Variants in MAP3K2 observed in about 807,000 individuals in gnomAD.
The protein encoded by MAP3K2 is MAP/ERK kinase kinase 2.
A neutral mutation model predicts 80.3 loss-of-function variants in MAP3K2; 24 were observed. The observed-to-expected ratio is 0.30, with a 90% CI of 0.22 to 0.42. MAP3K2 has a LOEUF of 0.42. Among genes scored for constraint, MAP3K2 ranks in the 10% least tolerant of loss-of-function variants. The probability of loss-of-function intolerance (pLI) is 1.00; values close to 1 mark genes in which losing one functional copy is unlikely to be tolerated. For missense variants in MAP3K2, 608 were observed against 750.1 expected (o/e 0.81, Z 2.21); for synonymous variants, 244 against 253.7 (o/e 0.96, Z 0.36).
chr2:127,382,125 A>G (rs1426551789), intron 1 of MAP3K2, among the ~76,000 whole-genome samples: 10 of 152,226 alleles, frequency 6.6e-5, no homozygotes, highest in Admixed American at 6.5e-4. Context: ...TGGGTGTACA[A>G]ACCACAAATG....
chr2:127,378,547 T>C (rs981844627), intron 1 of MAP3K2, among the ~76,000 whole-genome samples: 13 of 152,216 alleles, frequency 8.5e-5, no homozygotes, highest in African/African-American at 3.1e-4. Flanking sequence ...AACATTCAGT[T>C]TAAATATTAT....
chr2:127,328,127 TA>T (rs1686179348), intron 7 of MAP3K2, among the ~76,000 whole-genome samples: 1 of 152,026 alleles, frequency 6.6e-6, no homozygotes, highest in Admixed American at 6.6e-5. Context: ...ATATAAAAAT[TA>T]GCCAGGCATG....
chr2:127,324,235 G>A lies in MAP3K2; in HGVS notation c.684C>T (p.Ser228=), dbSNP rs1233944812. 6.5e-7 allele frequency: 1 copy of A among 1,546,692 alleles called. No individual in the cohort carries two copies. Among genetic ancestry groups the A allele is most frequent in the Non-Finnish European group, 8.7e-7 (1 of 1,145,190 alleles). Reference sequence around the variant, plus strand: ...CCCTAGGCATTCGTGATTTTGGATAGCTCTCTCTATAAAGAAAAAACATCA... The same window carrying A: ...CCCTAGGCATTCGTGATTTTGGATAACTCTCTCTATAAAGAAAAAACATCA... ...PSLDSPLDGE[S]YPKSRMPRAQ... Residue 228 remains serine, a synonymous_variant, in exon 10 of 17, where the codon AGC becomes AGT. Transcript: ENST00000682094.
intron 1 of MAP3K2, among the ~76,000 whole-genome samples, chr2:127,380,707 A>G (rs1023702933): frequency 7.9e-5 from 12 of 152,236 alleles, no homozygotes; most frequent in Admixed American, 6.5e-5. Flanking sequence ...CAACCATGTA[A>G]TTAACTACCA....
intron 1 of MAP3K2, among the ~76,000 whole-genome samples, chr2:127,376,415 A>G (rs932703076): frequency 6.6e-6 from 1 of 152,160 alleles, no homozygotes. Flanking sequence ...CCGGCAGCGC[A>G]GGCTTGTCAG....
intron 1 of MAP3K2, among the ~76,000 whole-genome samples, chr2:127,359,620 G>GT (rs143948683): frequency 5.1e-4 from 77 of 152,328 alleles, no homozygotes; most frequent in African/African-American, 1.7e-3. Flanking sequence ...ATGTTGAAAT[G>GT]TAAGCCCCAA....
rs1685696023 is a variant in MAP3K2 at position 127,306,254 on chromosome 2, C to A, written c.*1325G>T. Reference sequence around the variant, plus strand: ...TTATAACTGGGACTGATCTTTACATCAGGGTTTCTCAGCCTCAGCACTTCT... The same window carrying A: ...TTATAACTGGGACTGATCTTTACATAAGGGTTTCTCAGCCTCAGCACTTCT... On this transcript the variant is annotated 3_prime_UTR_variant, in exon 17 of 17. Transcript: ENST00000682094. This position sits in a 1 kb window ranked among gnomAD's most constrained non-coding sequence, Gnocchi z 4.7. 1 of 152,158 alleles carries A rather than the reference C, an allele frequency of 6.6e-6. No individual in the cohort carries two copies. Among genetic ancestry groups the A allele is most frequent in the African/African-American group, 2.4e-5 (1 of 41,452 alleles). The allele number at this position is 152,158 out of a possible 1,614,324, so 9.4% of individuals were successfully genotyped here.
intron 1 of MAP3K2, among the ~76,000 whole-genome samples, chr2:127,384,331 G>A (rs537507652): frequency 8.6e-5 from 13 of 151,308 alleles, no homozygotes; most frequent in East Asian, 5.8e-4. Flanking sequence ...AAAAACAAAC[G>A]AAATACATTT....
At chr2:127,309,417 G>C (rs1038767546) in intron 15 of MAP3K2, among the ~76,000 whole-genome samples, 1 of 152,086 alleles carries the variant, frequency 6.6e-6, no homozygotes, top group African/African-American at 2.4e-5. Context: ...ACAGTATAGA[G>C]AGTTCCCATA....
rs186925746 is a variant in MAP3K2 at position 127,321,676 on chromosome 2, T to C, written c.1045+370A>G. Among the ~76,000 whole-genome samples the C allele has an allele frequency of 6.6e-6, 1 of 152,348 alleles. No homozygotes were observed. The highest frequency in any genetic ancestry group is 6.5e-5 in the Admixed American group (1 of 15,306). ...CATTATCTCCTCAGCTGGTGATTTC[T>C]ACTCACATTTAAATGCTATACAATA... On this transcript the variant is annotated intron_variant, in intron 12 of 16. Coordinates refer to ENST00000682094, the MANE Select transcript of MAP3K2 (RefSeq NM_001371910.2). The surrounding 1 kb of genome is among the most constrained non-coding windows in gnomAD (Gnocchi z 4.4).
chr2:127,377,544 G>A (rs1336976516), intron 1 of MAP3K2, among the ~76,000 whole-genome samples: 2 of 152,136 alleles, frequency 1.3e-5, no homozygotes, highest in Non-Finnish European at 2.9e-5. Context: ...GGAATGTTAG[G>A]AACCTTTGCT....
intron 1 of MAP3K2, among the ~76,000 whole-genome samples, chr2:127,386,838 G>A (rs1213415028): frequency 6.6e-6 from 1 of 152,168 alleles, no homozygotes; most frequent in Non-Finnish European, 1.5e-5. Flanking sequence ...GAGAAATACA[G>A]TCTTACAAAA....
chr2:127,325,224 T>C (rs183858181), intron 9 of MAP3K2, among the ~76,000 whole-genome samples: 217 of 152,300 alleles, frequency 1.4e-3, no homozygotes, highest in Admixed American at 3.0e-3. Flanking sequence ...ACAAAGATAC[T>C]GAGTCCCATG....
intron 7 of MAP3K2, among the ~76,000 whole-genome samples, chr2:127,327,864 C>T (rs538921564): frequency 1.3e-5 from 2 of 152,276 alleles, no homozygotes; most frequent in Non-Finnish European, 2.9e-5. Flanking sequence ...CTGGCACTGA[C>T]GTCAAACAAG....
rs965238402 is a variant in MAP3K2, at chr2:127,364,299, A to G, written c.-65-21105T>C. Among the ~76,000 whole-genome samples, 1 of 152,232 alleles carries G rather than the reference A, an allele frequency of 6.6e-6. No individual in the cohort carries two copies. The highest frequency in any genetic ancestry group is 2.1e-4 in the South Asian group (1 of 4,832). On this transcript the variant is annotated intron_variant, in intron 1 of 16. Coordinates refer to ENST00000682094, the MANE Select transcript of MAP3K2 (RefSeq NM_001371910.2). The surrounding 1 kb of genome is among the most constrained non-coding windows in gnomAD (Gnocchi z 4.1). ...AAGCAAATAGATAATCAAAAAAAGC[A>G]AAGAGTAGGAGTCAATAGGTTCTGA...
chr2:127,309,822 A>G (rs1685777184), intron 15 of MAP3K2, among the ~76,000 whole-genome samples: 1 of 152,218 alleles, frequency 6.6e-6, no homozygotes, highest in Non-Finnish European at 1.5e-5. Context: ...TTAAAGGCAC[A>G]TAGTGTCAAC....
At chr2:127,352,706 C>T (rs569310349) in intron 1 of MAP3K2, among the ~76,000 whole-genome samples, 2 of 151,808 alleles carry the variant, frequency 1.3e-5, no homozygotes, top group South Asian at 2.1e-4. Context: ...TCCTCCCCCT[C>T]CCTCCCTCTC....
chr2:127,319,110 C>T (rs1029781233), intron 12 of MAP3K2, among the ~76,000 whole-genome samples: 4 of 152,110 alleles, frequency 2.6e-5, no homozygotes, highest in Non-Finnish European at 4.4e-5. Flanking sequence ...TTGTGGGAAA[C>T]GCAGAAAGTC....
At chr2:127,359,462 A>G (rs1391183112) in intron 1 of MAP3K2, among the ~76,000 whole-genome samples, 1 of 152,226 alleles carries the variant, frequency 6.6e-6, no homozygotes, top group South Asian at 2.1e-4. Flanking sequence ...AAATGTTGGC[A>G]AGGATGTTGT....
Sources: gnomAD v4.1 joint callset for allele counts (sites outside exome capture counted in the v4.1 genomes callset) on GRCh38, gnomAD v4.1.1 for gene constraint, Gnocchi (gnomAD v3.1) non-coding constraint, MANE v1.5 for transcripts, NCBI Gene and HGNC (gene_info 2026-07-23, HGNC 2026-07-21) for gene names.